Variants in ANXA6 observed in about 807,000 individuals in gnomAD.
ANXA6 encodes the protein 67 kDa calelectrin.
Under a neutral mutation model 95.4 loss-of-function variants are expected in ANXA6, and 71 were observed. The ratio of observed to expected loss-of-function variants is 0.74; its 90% CI spans 0.61 to 0.91. The LOEUF (loss-of-function observed/expected upper bound fraction) is 0.91, where lower values mean the gene tolerates loss of function less well. Among genes scored for constraint, ANXA6 ranks in the 40% least tolerant of loss-of-function variants. The pLI is 0.00. For missense variants in ANXA6, 830 were observed against 876.4 expected (o/e 0.95, Z 0.67); for synonymous variants, 289 against 315.9 (o/e 0.91, Z 0.90).
intron 2 of ANXA6, among the ~76,000 whole-genome samples, chr5:151,144,365 T>C (rs1765921606): frequency 1.3e-5 from 2 of 152,180 alleles, no homozygotes; most frequent in South Asian, 2.1e-4. Flanking sequence ...AATACCTGTC[T>C]GGTTGATATG....
At chr5:151,108,645 T>C in intron 22 of ANXA6, 95 bp from the exon 23 acceptor site, 1 of 1,072,756 alleles carries the variant, frequency 9.3e-7, no homozygotes, top group East Asian at 2.4e-5. Flanking sequence ...CCACAGGCTG[T>C]GCCTGAGAAA....
intron 8 of ANXA6, among the ~76,000 whole-genome samples, chr5:151,133,623 C>T (rs1765579081): frequency 6.6e-6 from 1 of 152,228 alleles, no homozygotes; most frequent in South Asian, 2.1e-4. Context: ...ACTAGCATCA[C>T]ATATCTGGTC....
At chr5:151,156,917 G>A (rs1445977069) in intron 1 of ANXA6, among the ~76,000 whole-genome samples, 3 of 152,136 alleles carry the variant, frequency 2.0e-5, no homozygotes, top group Non-Finnish European at 4.4e-5. Context: ...GAAAGCCACC[G>A]CCCAAAGTCA....
chr5:151,152,492 GT>G lies in ANXA6; in HGVS notation c.-25-4567del, dbSNP rs1198114096. 2.6e-5 allele frequency among the ~76,000 whole-genome samples: 4 copies of G among 152,284 alleles called. No individual in the cohort carries two copies. In the East Asian group the frequency reaches 7.7e-4, roughly 29 times the overall value. ...CATCCTGAAATGACCCTCTTGTAAG[GT>G]TTTTGTGAAGATTCAATGAAATAAG... On this transcript the variant is annotated intron_variant, in intron 1 of 25. Transcript: ENST00000354546.
rs113984547 is a variant in ANXA6 at position 151,140,811 on chromosome 5, A to G, written c.19-568T>C. ...GTGTAGCCATTTGTAGACGCTCTTAAGATTATTTCTATCACAGAAGCCAAG... is the reference window on the plus strand; with the variant it reads ...GTGTAGCCATTTGTAGACGCTCTTAGGATTATTTCTATCACAGAAGCCAAG... On this transcript the variant is annotated intron_variant, in intron 2 of 25. Coordinates refer to ENST00000354546, the MANE Select transcript of ANXA6 (RefSeq NM_001155.5). Among the ~76,000 whole-genome samples the G allele has an allele frequency of 8.7e-3, 1,327 of 152,228 alleles. 31 individuals carry two copies. The highest frequency in any genetic ancestry group is 0.03 in the African/African-American group (1,235 of 41,476).
rs149068640 is a variant in ANXA6 at position 151,157,349 on chromosome 5, C to A, written c.-26+331G>T. Among the ~76,000 whole-genome samples the A allele has an allele frequency of 3.3e-3, 506 of 152,220 alleles. 6 individuals are homozygous for A. The highest frequency in any genetic ancestry group is 0.012 in the African/African-American group (492 of 41,518). Reference sequence around the variant, plus strand: ...CCCGGACCTTCAAAGTCTCTTGAGCCCCCCCAAATTAAGGCCGGCAGGACC... The same window carrying A: ...CCCGGACCTTCAAAGTCTCTTGAGCACCCCCAAATTAAGGCCGGCAGGACC... On this transcript the variant is annotated intron_variant, in intron 1 of 25. Transcript: ENST00000354546.
intron 17 of ANXA6, among the ~76,000 whole-genome samples, chr5:151,120,028 T>C (rs1333998347): frequency 5.9e-5 from 9 of 152,138 alleles, no homozygotes; most frequent in Admixed American, 5.9e-4. Context: ...CACAGAAGCA[T>C]GCCACCATGC....
At chr5:151,133,313 T>C in intron 8 of ANXA6, 126 bp from the exon 9 acceptor site, 1 of 647,758 alleles carries the variant, frequency 1.5e-6, no homozygotes, top group South Asian at 1.8e-5. Context: ...TGAAGACCTT[T>C]GCAAATAAAA....
chr5:151,150,117 CAA>C (rs1180783863), intron 1 of ANXA6, among the ~76,000 whole-genome samples: 37 of 103,288 alleles, frequency 3.6e-4, no homozygotes, highest in Non-Finnish European at 3.2e-4. Flanking sequence ...GACTCTGACT[CAA>C]AAAAAAAAAA....
intron 14 of ANXA6, 39 bp from the exon 15 acceptor site, chr5:151,124,406 G>GC: frequency 6.4e-7 from 1 of 1,567,652 alleles, no homozygotes; most frequent in Non-Finnish European, 8.7e-7. Flanking sequence ...GTGTCTGAAG[G>GC]CCCCCCTGGG....
chr5:151,115,926 G>A (rs978014667), intron 20 of ANXA6, among the ~76,000 whole-genome samples: 4 of 152,230 alleles, frequency 2.6e-5, no homozygotes, highest in Non-Finnish European at 2.9e-5. Context: ...ATAGACTCTG[G>A]CATCAGGCAA....
intron 25 of ANXA6, 80 bp from the exon 26 acceptor site, chr5:151,101,587 T>C: frequency 1.6e-6 from 2 of 1,261,802 alleles, no homozygotes; most frequent in Non-Finnish European, 2.3e-6. Flanking sequence ...CCCATCTGTC[T>C]GGACATCTCC....
intron 5 of ANXA6, among the ~76,000 whole-genome samples, chr5:151,138,072 A>G (rs7707862): frequency 0.23 from 34,684 of 152,150 alleles, 4,365 homozygotes; most frequent in South Asian, 0.47. Flanking sequence ...AGTTTATAAA[A>G]TGAATTCATG....
At chr5:151,134,294 T>A in intron 8 of ANXA6, 133 bp downstream of exon 8, 2 of 827,882 alleles carry the variant, frequency 2.4e-6, no homozygotes, top group Non-Finnish European at 4.2e-6. Context: ...CCGGTATACA[T>A]GACAGCTGTG....
rs1765546375 is a variant in ANXA6 at position 151,132,589 on chromosome 5, A to G, written c.641-18T>C. ...ATCGAACACTGCGTCAGACAGAGAG[A>G]CAGGGAGGTTTGAGAGTGCCTCTGT... On this transcript the variant is annotated intron_variant, in intron 9 of 25. Coordinates refer to ENST00000354546, the MANE Select transcript of ANXA6 (RefSeq NM_001155.5). 6.2e-7 allele frequency: 1 copy of G among 1,606,854 alleles called. No individual in the cohort carries two copies. Among genetic ancestry groups the G allele is most frequent in the African/African-American group, 1.3e-5 (1 of 74,700 alleles).
At chr5:151,123,882 G>A (rs1412211339) in intron 15 of ANXA6, among the ~76,000 whole-genome samples, 1 of 148,166 alleles carries the variant, frequency 6.7e-6, no homozygotes, top group African/African-American at 2.5e-5. Flanking sequence ...AATGAGGGAG[G>A]GCTCTTGGGT....
intron 2 of ANXA6, among the ~76,000 whole-genome samples, chr5:151,140,903 CG>C (rs768577368): frequency 1.1e-3 from 166 of 152,334 alleles, no homozygotes; most frequent in Non-Finnish European, 1.7e-3. Flanking sequence ...TCTCCAGCCC[CG>C]CTCTGCTCTC....
chr5:151,117,914 C>A, intron 18 of ANXA6, 77 bp from the exon 19 acceptor site: 1 of 1,247,568 alleles, frequency 8.0e-7, no homozygotes, highest in East Asian at 2.4e-5. Context: ...CCAGGAAACT[C>A]AGGCTTGAGC....
At chr5:151,139,974 T>C (rs1765780415) in intron 3 of ANXA6, among the ~76,000 whole-genome samples, 179 bp downstream of exon 3, 1 of 151,184 alleles carries the variant, frequency 6.6e-6, no homozygotes, top group Non-Finnish European at 1.5e-5. Flanking sequence ...TTATTCTTTA[T>C]ACTTTTTTTC....
Sources: gnomAD v4.1 joint callset for allele counts (sites outside exome capture counted in the v4.1 genomes callset) on GRCh38, gnomAD v4.1.1 for gene constraint, MANE v1.5 for transcripts, NCBI Gene and HGNC (gene_info 2026-07-23, HGNC 2026-07-21) for gene names.